Variants in PNPT1 observed in about 807,000 individuals in gnomAD.
PNPT1 encodes polyribonucleotide nucleotidyltransferase 1.
In PNPT1, 53 loss-of-function variants were observed where a neutral mutation model predicts 119.5. The observed-to-expected ratio is 0.44, with a 90% CI of 0.36 to 0.56. PNPT1 has a LOEUF of 0.56. Among genes scored for constraint, PNPT1 ranks in the 20% least tolerant of loss-of-function variants. The pLI is 0.00. For missense variants in PNPT1, 948 were observed against 938.5 expected, an observed-to-expected ratio of 1.01 and a Z score of -0.13; for synonymous variants, 357 against 322.1, an observed-to-expected ratio of 1.11 and a Z score of -1.16.
At chr2:55,667,427 T>C (rs937421944) in intron 12 of PNPT1, among the ~76,000 whole-genome samples, 11 of 151,976 alleles carry the variant, frequency 7.2e-5, no homozygotes, top group African/African-American at 1.5e-4. Flanking sequence ...ACCCCGTCTC[T>C]ACTAAAAATA....
chr2:55,683,637 A>G (rs370260315), intron 5 of PNPT1, 148 bp downstream of exon 5: 15 of 703,832 alleles, frequency 2.1e-5, no homozygotes, highest in Middle Eastern at 4.3e-4. Context: ...AAAAAGTACT[A>G]TCTTTTTTCA....
At chr2:55,666,666 C>A (rs1397015828) in intron 13 of PNPT1, among the ~76,000 whole-genome samples, 3 of 152,054 alleles carry the variant, frequency 2.0e-5, no homozygotes, top group Admixed American at 2.0e-4. Context: ...ATAGTAAGAC[C>A]TTGTCTCTAC....
chr2:55,666,632 G>C (rs554982793), intron 13 of PNPT1, among the ~76,000 whole-genome samples: 5 of 152,250 alleles, frequency 3.3e-5, no homozygotes, highest in African/African-American at 1.2e-4. Flanking sequence ...TTGAGGCCAA[G>C]AGTTTGAGAC....
At chr2:55,674,852 T>C (rs1697016739) in intron 8 of PNPT1, among the ~76,000 whole-genome samples, 1 of 152,260 alleles carries the variant, frequency 6.6e-6, no homozygotes, top group Non-Finnish European at 1.5e-5. Context: ...GATGGCTATA[T>C]TCTTTTTCTC....
chr2:55,672,912 T>A lies in PNPT1; in HGVS notation c.847A>T (p.Ile283Phe), dbSNP rs1696958960. The A allele has an allele frequency of 6.2e-7, 1 of 1,601,902 alleles. No homozygotes were observed. The highest frequency in any genetic ancestry group is 1.8e-5 in the Admixed American group (1 of 56,528). The change falls in exon 9 of 28, where the codon ATT becomes TTT. Residue 283 changes from isoleucine to phenylalanine, a missense_variant. Physicochemically the swap from Ile to Phe is conservative, Grantham distance 21. Transcript: ENST00000447944. ...PQKLFTPSPE[I>F]VKYTHKLAME... The stretch of plus-strand genomic sequence containing the variant: ...TCTTACTTATGAGTATATTTCACAA[T>A]CTCTGGCGAAGGGGTAAATAACTTC...
At chr2:55,647,653 G>T (rs1696044180) in intron 18 of PNPT1, among the ~76,000 whole-genome samples, 200 bp from the exon 19 acceptor site, 1 of 151,808 alleles carries the variant, frequency 6.6e-6, no homozygotes, top group Admixed American at 6.6e-5. Flanking sequence ...CCCTATAGCT[G>T]GGATTATAGG....
intron 8 of PNPT1, among the ~76,000 whole-genome samples, chr2:55,679,343 G>C (rs1390474800): frequency 1.3e-5 from 2 of 151,932 alleles, no homozygotes; most frequent in African/African-American, 4.8e-5. Flanking sequence ...TTTAAAATAA[G>C]TTATTTAGAC....
At chr2:55,654,444 T>C (rs1316848506) in intron 18 of PNPT1, among the ~76,000 whole-genome samples, 2 of 152,222 alleles carry the variant, frequency 1.3e-5, no homozygotes, top group Non-Finnish European at 2.9e-5. Context: ...TGATTCCTAA[T>C]AGTACTTACT....
At position 55,637,613 on chromosome 2, in the gene PNPT1, T is replaced by A. The variant is rs372630803; in HGVS notation, c.2149-14A>T. On this transcript the variant is annotated splice_polypyrimidine_tract_variant and intron_variant, in intron 26 of 27. Coordinates refer to ENST00000447944, the MANE Select transcript of PNPT1 (RefSeq NM_033109.5). ...AGGATGTTTAATCTGGAAAAAAAAA[T>A]GTTAATCTATTAGTTGTTGTGCATA... The A allele has an allele frequency of 6.9e-5, 109 of 1,579,182 alleles. No homozygotes were observed. The African/African-American group carries it at 8.9e-4, about 13-fold the overall frequency.
intron 4 of PNPT1, among the ~76,000 whole-genome samples, chr2:55,684,526 A>T (rs1413273523): frequency 6.6e-6 from 1 of 152,212 alleles, no homozygotes; most frequent in African/African-American, 2.4e-5. Flanking sequence ...ATATGTAGGG[A>T]TGTTAAAGAT....
At chr2:55,676,560 C>T (rs1697078912) in intron 8 of PNPT1, among the ~76,000 whole-genome samples, 1 of 151,750 alleles carries the variant, frequency 6.6e-6, no homozygotes, top group Non-Finnish European at 1.5e-5. Flanking sequence ...TAAGATTATA[C>T]TCTAAAGATC....
intron 18 of PNPT1, among the ~76,000 whole-genome samples, chr2:55,654,284 G>A (rs554316655): frequency 1.3e-5 from 2 of 150,654 alleles, no homozygotes; most frequent in Non-Finnish European, 3.0e-5. Flanking sequence ...AAATCTCCTA[G>A]CATAATGCTT....
intron 15 of PNPT1, among the ~76,000 whole-genome samples, chr2:55,657,308 AAC>A (rs915955913): frequency 3.3e-5 from 5 of 151,908 alleles, no homozygotes; most frequent in African/African-American, 1.2e-4. Context: ...CAGCCTGTGG[AAC>A]AGAGACCCTT....
chr2:55,667,189 G>A, intron 12 of PNPT1, 96 bp from the exon 13 acceptor site: 1 of 839,588 alleles, frequency 1.2e-6, no homozygotes, highest in East Asian at 2.6e-5. Context: ...CCTCAGTTGT[G>A]TATCATAATC....
chr2:55,686,388 G>A lies in PNPT1; in HGVS notation c.279C>T (p.Ser93=), dbSNP rs758813966. ...TAVSKTKPSP[S]QFMPLVVDYR... The stretch of plus-strand genomic sequence containing the variant: ...TACTTACCACCAAAGGCATAAACTG[G>A]GAAGGGGAAGGTTTTGTTTTACTGA... Residue 93 remains serine (S), a synonymous_variant, in exon 3 of 28, where the codon TCC becomes TCT. Coordinates refer to ENST00000447944, the MANE Select transcript of PNPT1 (RefSeq NM_033109.5). The A allele has an allele frequency of 2.8e-5, 45 of 1,613,190 alleles. No homozygotes were observed. In the African/African-American group the frequency reaches 5.9e-4, roughly 21 times the overall value.
rs762838320 is a variant in PNPT1, at chr2:55,656,315, T to C, written c.1341A>G (p.Glu447=). ...CAGACCTGTACTTACCATGCCCAAG[T>C]TCTCTTCTATTTAAACCAGTGACTT... The part of the protein sequence containing the change: ...IGKVTGLNRR[E]LGHGALAEKA... Residue 447 remains glutamate, a synonymous_variant, in exon 16 of 28, where the codon GAA becomes GAG. Coordinates refer to ENST00000447944, the MANE Select transcript of PNPT1 (RefSeq NM_033109.5). The C allele has an allele frequency of 1.2e-6, 2 of 1,611,112 alleles. 1 individual carries two copies. The highest frequency in any genetic ancestry group is 1.7e-6 in the Non-Finnish European group (2 of 1,179,090).
chr2:55,656,345 A>G lies in PNPT1; in HGVS notation c.1311T>C (p.Ile437=). ...TTCTATTTAAACCAGTGACTTTGCCAATTTCATTAGTTGCATAAGGAGGAA... is the reference window on the plus strand; with the variant it reads ...TTCTATTTAAACCAGTGACTTTGCCGATTTCATTAGTTGCATAAGGAGGAA... ...YEFPPYATNE[I]GKVTGLNRRE... is the part of the protein sequence containing the mutation. Residue 437 remains isoleucine, a synonymous_variant, in exon 16 of 28, where the codon ATT becomes ATC. Transcript: ENST00000447944. 1 of 1,610,202 alleles carries G rather than the reference A, an allele frequency of 6.2e-7. No individual in the cohort carries two copies.
intron 13 of PNPT1, 56 bp from the exon 14 acceptor site, chr2:55,662,082 C>G: frequency 1.4e-6 from 2 of 1,385,356 alleles, no homozygotes; most frequent in Non-Finnish European, 1.9e-6. Flanking sequence ...AAGATGAAAA[C>G]TAAAAATACT....
intron 7 of PNPT1, among the ~76,000 whole-genome samples, chr2:55,680,270 T>C (rs887858339): frequency 1.3e-5 from 2 of 152,194 alleles, no homozygotes; most frequent in East Asian, 3.8e-4. Flanking sequence ...AACTGCATCT[T>C]TCATTGTTGT....
Sources: allele counts gnomAD v4.1 joint callset (sites outside exome capture counted in the v4.1 genomes callset), GRCh38; gene constraint gnomAD v4.1.1; transcripts MANE v1.5; gene names NCBI Gene and HGNC (gene_info 2026-07-23, HGNC 2026-07-21).